PRPF4: variants seen among roughly 807,000 people sequenced by gnomAD.
The protein encoded by PRPF4 is pre-mRNA splicing tri-snRNP complex factor PRPF4.
In PRPF4, 14 loss-of-function variants were observed where a neutral mutation model predicts 72.2. The observed-to-expected ratio is 0.19, with a 90% CI of 0.13 to 0.30. PRPF4 has a LOEUF of 0.30. Among genes scored for constraint, PRPF4 ranks in the 10% least tolerant of loss-of-function variants. The pLI, the probability that PRPF4 is intolerant of heterozygous loss-of-function variation, is 1.00. For synonymous variants in PRPF4, 225 were observed against 232.2 expected (o/e 0.97, Z 0.28); for missense variants, 478 against 653.9 (o/e 0.73, Z 2.93).
Position 113,291,680 on chromosome 9 carries a change from T to C in PRPF4, c.*20T>C, listed in dbSNP as rs573626543. 4.0e-5 allele frequency: 64 copies of C among 1,611,406 alleles called. No homozygotes were observed. In the East Asian group the frequency reaches 1.1e-3, roughly 27 times the overall value. ...GAATAGATGACAATGGGAAAAGGAC[T>C]TGAACCTCAAGCTCTCTCTAAGGAG... On this transcript the variant is annotated 3_prime_UTR_variant, in exon 14 of 14. Transcript: ENST00000374198.
intron 3 of PRPF4, among the ~76,000 whole-genome samples, chr9:113,279,901 G>A (rs1456233707): frequency 6.6e-6 from 1 of 152,072 alleles, no homozygotes; most frequent in Non-Finnish European, 1.5e-5. Context: ...CTTGTTATTT[G>A]CAGGTTGCGA....
At chr9:113,286,856 C>T in intron 9 of PRPF4, 28 bp downstream of exon 9, 1 of 1,613,780 alleles carries the variant, frequency 6.2e-7, no homozygotes, top group South Asian at 1.1e-5. Context: ...GTGGCCCATA[C>T]TGCCATCACT....
chr9:113,290,380 T>G, intron 10 of PRPF4, 86 bp from the exon 11 acceptor site: 1 of 1,571,946 alleles, frequency 6.4e-7, no homozygotes, highest in Non-Finnish European at 8.7e-7. Context: ...ATTAATAACT[T>G]AAGCTATAAT....
chr9:113,286,963 A>G, intron 9 of PRPF4, 135 bp downstream of exon 9: 1 of 1,300,610 alleles, frequency 7.7e-7, no homozygotes, highest in Non-Finnish European at 1.1e-6. Context: ...GAGGCAGGAG[A>G]ATTGCTTAAA....
rs775132305 is a variant in PRPF4 at position 113,283,167 on chromosome 9, C to T, written c.516C>T (p.Ser172=). 2 of 1,614,070 alleles carry T rather than the reference C, an allele frequency of 1.2e-6. No individual in the cohort carries two copies. The highest frequency in any genetic ancestry group is 1.3e-5 in the African/African-American group (1 of 74,930). The change falls in exon 5 of 14, where the codon AGC becomes AGT. Residue 172 remains serine, a synonymous_variant. Coordinates refer to ENST00000374198, the MANE Select transcript of PRPF4 (RefSeq NM_001244926.2). The part of the protein sequence containing the change: ...QQTWYHEGPN[S]LKVARLWIAN... Reference sequence around the variant, plus strand: ...CCTGGTATCATGAAGGACCAAATAGCTTGAAGGTGGCAAGACTATGGATTG... The same window carrying T: ...CCTGGTATCATGAAGGACCAAATAGTTTGAAGGTGGCAAGACTATGGATTG...
chr9:113,287,484 CAAAA>C (rs879367982), intron 9 of PRPF4, among the ~76,000 whole-genome samples: 1 of 135,572 alleles, frequency 7.4e-6, no homozygotes, highest in Admixed American at 7.4e-5. Flanking sequence ...GATTGTTTTC[CAAAA>C]AAAAAAAAAC....
At chr9:113,277,051 G>A (rs924815537) in intron 2 of PRPF4, among the ~76,000 whole-genome samples, 2 of 151,990 alleles carry the variant, frequency 1.3e-5, no homozygotes, top group African/African-American at 4.8e-5. Context: ...CTGACCTTGT[G>A]ATCCGCCCGC....
rs1832113495 is a variant in PRPF4 at position 113,276,799 on chromosome 9, T to A, written c.205+74T>A. The A allele has an allele frequency of 3.4e-6, 5 of 1,470,056 alleles. No individual in the cohort carries two copies. The Admixed American group carries it at 1.1e-4, about 33-fold the overall frequency. 91.1% of individuals were successfully genotyped at this position (1,470,056 alleles called of 1,614,324 possible). A position where few individuals can be genotyped will look rare whatever the true frequency, so the allele number is the denominator to read the frequency against. On this transcript the variant is annotated intron_variant, in intron 2 of 13. Transcript: ENST00000374198. ...CCTTTCTAAACTTAAATACCACAGT[T>A]TTATAATGTCAAAAAATTACAATTT...
Position 113,284,275 on chromosome 9 carries a change from G to T in PRPF4, c.655-20G>T, listed in dbSNP as rs1375111900. 4 of 1,534,008 alleles carry T rather than the reference G, an allele frequency of 2.6e-6. No individual in the cohort carries two copies. The highest frequency in any genetic ancestry group is 3.6e-6 in the Non-Finnish European group (4 of 1,107,888). On this transcript the variant is annotated intron_variant, in intron 6 of 13. Coordinates refer to ENST00000374198, the MANE Select transcript of PRPF4 (RefSeq NM_001244926.2). ...TAACCTATTAATGATCACCGTGTGT[G>T]TATTTTTTTTCTTTTTAAGTCTTTG...
intron 4 of PRPF4, 81 bp from the exon 5 acceptor site, chr9:113,283,051 C>T: frequency 6.3e-7 from 1 of 1,593,944 alleles, no homozygotes; most frequent in Non-Finnish European, 8.5e-7. Flanking sequence ...TCCTTCTGGG[C>T]AGTTAAAATG....
chr9:113,281,688 C>T (rs945094864), intron 3 of PRPF4, among the ~76,000 whole-genome samples: 5 of 152,152 alleles, frequency 3.3e-5, no homozygotes, highest in Admixed American at 2.6e-4. Flanking sequence ...TTCTTACCTC[C>T]AGGCCTTATT....
At chr9:113,282,570 T>C (rs1832313616) in intron 3 of PRPF4, 76 bp from the exon 4 acceptor site, 1 of 1,126,548 alleles carries the variant, frequency 8.9e-7, no homozygotes. Flanking sequence ...TGTTTAAAAC[T>C]GTGTTAAAGT....
At chr9:113,286,977 G>C in intron 9 of PRPF4, 149 bp downstream of exon 9, 1 of 1,159,024 alleles carries the variant, frequency 8.6e-7, no homozygotes, top group South Asian at 1.4e-5. Flanking sequence ...GCTTAAACCC[G>C]GGAAATGGAG....
chr9:113,279,576 A>T (rs1318509925), intron 3 of PRPF4, among the ~76,000 whole-genome samples: 2 of 151,984 alleles, frequency 1.3e-5, no homozygotes, highest in African/African-American at 4.8e-5. Context: ...TTTAGTAGAG[A>T]CAGGGTTTCA....
At position 113,291,026 on chromosome 9, in the gene PRPF4, C is replaced by T. The variant is rs1832594578; in HGVS notation, c.1372+10C>T. On this transcript the variant is annotated intron_variant, in intron 13 of 13. Coordinates refer to ENST00000374198, the MANE Select transcript of PRPF4 (RefSeq NM_001244926.2). The stretch of plus-strand genomic sequence containing the variant: ...GGTGTCAAGTTTGAGCGTAAGCTTT[C>T]CTCCTATTTTACGTCTAAATGACAC... 1 of 1,604,388 alleles carries T rather than the reference C, an allele frequency of 6.2e-7. No homozygotes were observed. The highest frequency in any genetic ancestry group is 2.2e-5 in the East Asian group (1 of 44,846).
Position 113,275,722 on chromosome 9 carries a change from C to A in PRPF4, c.-22C>A. The stretch of plus-strand genomic sequence containing the variant: ...AGGGAGTGTTCGGGTTTCGCTGGGG[C>A]CTCGCGGCTCCAGAGCCCAGCATGG... On this transcript the variant is annotated 5_prime_UTR_variant, in exon 1 of 14. Transcript: ENST00000374198. 3.1e-6 allele frequency: 5 copies of A among 1,608,766 alleles called. No individual in the cohort carries two copies. The highest frequency in any genetic ancestry group is 4.2e-6 in the Non-Finnish European group (5 of 1,177,460).
rs1832462951 is a variant in PRPF4, at chr9:113,286,834, T to C, written c.932+6T>C. ...AAGCTTTGGAGTCTCGACAGGTGAA[T>C]ATCACTGTTCTGTGGCCCATACTGC... On this transcript the variant is annotated splice_donor_region_variant and intron_variant, in intron 9 of 13. Transcript: ENST00000374198. The C allele has an allele frequency of 6.2e-7, 1 of 1,614,150 alleles. No individual in the cohort carries two copies. Among genetic ancestry groups the C allele is most frequent in the Non-Finnish European group, 8.5e-7 (1 of 1,179,988 alleles).
intron 10 of PRPF4, 103 bp downstream of exon 10, chr9:113,288,367 A>C (rs1194666643): frequency 5.6e-6 from 6 of 1,074,006 alleles, no homozygotes; most frequent in Non-Finnish European, 8.2e-6. Flanking sequence ...ATCTTCAGGT[A>C]GGATTTTCTT....
Position 113,291,498 on chromosome 9 carries a change from C to G in PRPF4, c.1404C>G (p.Ala468=), listed in dbSNP as rs1832607487. 6.2e-7 allele frequency: 1 copy of G among 1,613,964 alleles called. No individual in the cohort carries two copies. The highest frequency in any genetic ancestry group is 8.5e-7 in the Non-Finnish European group (1 of 1,179,986). The change falls in exon 14 of 14, where the codon GCC becomes GCG. Residue 468 remains alanine, a synonymous_variant. Transcript: ENST00000374198. ...ATGGGAACTTCTTGCTTACTGGTGC[C>G]TATGATAACACAGCCAAGATCTGGA... The part of the protein sequence containing the change: ...PIHGNFLLTG[A]YDNTAKIWTH...
Sources: gnomAD v4.1 joint callset for allele counts (sites outside exome capture counted in the v4.1 genomes callset) on GRCh38, gnomAD v4.1.1 for gene constraint, MANE v1.5 for transcripts, NCBI Gene and HGNC (gene_info 2026-07-23, HGNC 2026-07-21) for gene names.